The following CEACAM21 variants were observed in gnomAD, a reference collection of about 807,000 sequenced individuals.
CEACAM21 encodes CEA cell adhesion molecule 21, also known as cell adhesion molecule CEACAM21.
In CEACAM21, 38 loss-of-function variants were observed where a neutral mutation model predicts 33.2. The ratio of observed to expected loss-of-function variants is 1.14; its 90% CI spans 0.88 to 1.50. The LOEUF (loss-of-function observed/expected upper bound fraction) is 1.50. Among genes scored for constraint, CEACAM21 ranks in the 40% most tolerant of loss-of-function variants. CEACAM21 has a pLI of 0.00. For synonymous variants in CEACAM21, 156 were observed against 143.0 expected (o/e 1.09, Z -0.65); for missense variants, 385 against 364.6 (o/e 1.06, Z -0.46).
chr19:41,586,046 C>T, intron 6 of CEACAM21, 175 bp downstream of exon 6: 1 of 667,944 alleles, frequency 1.5e-6, no homozygotes, highest in Non-Finnish European at 2.6e-6. Flanking sequence ...CATCCACTCC[C>T]TGTGCTAACC....
intron 1 of CEACAM21, among the ~76,000 whole-genome samples, chr19:41,558,028 T>C (rs1555785937): frequency 6.6e-6 from 1 of 152,226 alleles, no homozygotes; most frequent in South Asian, 2.1e-4. Context: ...CCTGATCATC[T>C]TACTTCCATG....
At chr19:41,560,023 G>A (rs1555786441) in intron 1 of CEACAM21, among the ~76,000 whole-genome samples, 1 of 151,022 alleles carries the variant, frequency 6.6e-6, no homozygotes, top group African/African-American at 2.4e-5. Flanking sequence ...AAAACAAAAA[G>A]CATGAGTAGC....
intron 6 of CEACAM21, 158 bp downstream of exon 6, chr19:41,586,029 C>A (rs1243797660): frequency 2.7e-6 from 2 of 733,752 alleles, no homozygotes; most frequent in Non-Finnish European, 4.7e-6. Flanking sequence ...CTGTTCAGGG[C>A]CAGGATCATC....
Position 41,550,436 on chromosome 19 carries a change from A to C in CEACAM21, c.-779+884A>C, listed in dbSNP as rs369173008. The C allele has an allele frequency of 9.6e-4, 147 of 152,360 alleles. 1 individual carries two copies. Among genetic ancestry groups the C allele is most frequent in the African/African-American group, 3.3e-3 (138 of 41,584 alleles). The allele number at this position is 152,360 out of a possible 1,614,324, so 9.4% of individuals were successfully genotyped here. On this transcript the variant is annotated intron_variant, in intron 1 of 7. Transcript: ENST00000407170. ...ATATCTCTCCTCAATGGAAAAAATCACGTACAAAATATAAGAACCCAGTTT... is the reference window on the plus strand; with the variant it reads ...ATATCTCTCCTCAATGGAAAAAATCCCGTACAAAATATAAGAACCCAGTTT...
intron 6 of CEACAM21, chr19:41,586,141 C>T: frequency 1.2e-5 from 7 of 600,016 alleles, no homozygotes; most frequent in Non-Finnish European, 2.1e-5. Flanking sequence ...ACACCCCTCT[C>T]TCCCCTGCCC....
rs781794146 is a variant in CEACAM21 at position 41,579,503 on chromosome 19, T to A, written c.575T>A (p.Leu192Gln). ...CTGCAGGTCACGAAGAGGATGAAGC[T>A]GTCCTGGTTTAACCATGTGCTCACC... ...QRLQVTKRMKLSWFNHVLTID... is the reference protein window; with the variant it reads ...QRLQVTKRMKQSWFNHVLTID... Residue 192 changes from leucine (L) to glutamine (Q), a missense_variant, in exon 3 of 7, where the codon CTG becomes CAG. Coordinates refer to ENST00000401445, the MANE Select transcript of CEACAM21 (RefSeq NM_001098506.4). 6.2e-7 allele frequency: 1 copy of A among 1,613,836 alleles called. No homozygotes were observed. Among genetic ancestry groups the A allele is most frequent in the Non-Finnish European group, 8.5e-7 (1 of 1,179,808 alleles).
intron 1 of CEACAM21, chr19:41,551,704 G>A (rs1445822231): frequency 1.5e-4 from 22 of 150,038 alleles, no homozygotes; most frequent in Admixed American, 1.5e-3. Context: ...AAGCTTCAGG[G>A]GAAATAAAGA....
intron 2 of CEACAM21, among the ~76,000 whole-genome samples, chr19:41,577,770 CAAG>C (rs1241941767): frequency 6.6e-6 from 1 of 152,198 alleles, no homozygotes; most frequent in Non-Finnish European, 1.5e-5. Flanking sequence ...TTCCCTACAG[CAAG>C]AAGGATAGTC....
At chr19:41,580,450 T>G (rs1394186430) in intron 3 of CEACAM21, among the ~76,000 whole-genome samples, 1 of 152,118 alleles carries the variant, frequency 6.6e-6, no homozygotes, top group Non-Finnish European at 1.5e-5. Flanking sequence ...GCCACCACCT[T>G]CCCACCAGTC....
At chr19:41,570,181 C>T (rs1301788851) in intron 2 of CEACAM21, among the ~76,000 whole-genome samples, 4 of 152,176 alleles carry the variant, frequency 2.6e-5, no homozygotes, top group Non-Finnish European at 5.9e-5. Flanking sequence ...GAGGGTGACA[C>T]AGGACTCAGG....
chr19:41,582,177 C>A (rs1293752435), intron 3 of CEACAM21, among the ~76,000 whole-genome samples: 4 of 152,238 alleles, frequency 2.6e-5, no homozygotes, highest in African/African-American at 9.6e-5. Flanking sequence ...GCAGCCAAAT[C>A]TTAATGCTCT....
upstream of CEACAM21, among the ~76,000 whole-genome samples, chr19:41,573,831 C>T (rs1426575270): frequency 6.6e-6 from 1 of 152,140 alleles, no homozygotes; most frequent in Non-Finnish European, 1.5e-5. Context: ...AAAAGGAGAG[C>T]TGAACCACTC....
At chr19:41,554,535 G>C (rs1328403838) in intron 1 of CEACAM21, among the ~76,000 whole-genome samples, 1 of 151,928 alleles carries the variant, frequency 6.6e-6, no homozygotes, top group African/African-American at 2.4e-5. Flanking sequence ...ATAGCCCAAA[G>C]AAAGCTAAAA....
chr19:41,569,696 C>A (rs2042481727), intron 2 of CEACAM21, among the ~76,000 whole-genome samples: 1 of 152,126 alleles, frequency 6.6e-6, no homozygotes, highest in African/African-American at 2.4e-5. Flanking sequence ...GCCTGCTTTG[C>A]CCCAGGGTGT....
chr19:41,585,382 T>G, intron 4 of CEACAM21, 61 bp from the exon 5 acceptor site: 1 of 1,579,296 alleles, frequency 6.3e-7, no homozygotes, highest in South Asian at 1.1e-5. Context: ...GGTCCCCTAT[T>G]TTAACTCCAA....
intron 1 of CEACAM21, among the ~76,000 whole-genome samples, chr19:41,564,511 C>T (rs1329702229): frequency 1.3e-5 from 2 of 152,120 alleles, no homozygotes; most frequent in African/African-American, 4.8e-5. Context: ...CCCATCGGGT[C>T]AGGGAAAAAC....
rs140801638 is a variant in CEACAM21 at position 41,557,301 on chromosome 19, G to A, written c.-778-7381G>A. Among the ~76,000 whole-genome samples the A allele has an allele frequency of 1.1e-3, 165 of 152,234 alleles. 2 individuals are homozygous for A. The highest frequency in any genetic ancestry group is 3.5e-3 in the African/African-American group (147 of 41,538). ...CTGTGGGTCCTCCAGTCACAGACCC[G>A]TTACTCTGTGGCGTGTCACTTAGAA... On this transcript the variant is annotated intron_variant, in intron 1 of 7. Coordinates refer to the CEACAM21 transcript ENST00000407170.
chr19:41,568,689 C>A (rs994366408), intron 2 of CEACAM21, among the ~76,000 whole-genome samples: 4 of 152,182 alleles, frequency 2.6e-5, no homozygotes, highest in African/African-American at 9.7e-5. Context: ...GTTACTATAG[C>A]TTTGCAGTAT....
At chr19:41,586,129 T>C in intron 6 of CEACAM21, 1 of 602,490 alleles carries the variant, frequency 1.7e-6, no homozygotes, top group East Asian at 2.8e-5. Flanking sequence ...CCCTGTCCCC[T>C]GACACCCCTC....
Sources: gnomAD v4.1 joint callset for allele counts (sites outside exome capture counted in the v4.1 genomes callset) on GRCh38, gnomAD v4.1.1 for gene constraint, MANE v1.5 for transcripts, NCBI Gene and HGNC (gene_info 2026-07-23, HGNC 2026-07-21) for gene names.